The following HIF1A variants were observed in gnomAD, a reference collection of about 807,000 sequenced individuals.
HIF1A encodes hypoxia inducible factor 1 subunit alpha, also known as hypoxia-inducible factor 1-alpha.
Under a neutral mutation model 92.7 loss-of-function variants are expected in HIF1A, and 24 were observed. That is an observed-to-expected ratio of 0.26 (90% CI 0.19 to 0.36). HIF1A has a LOEUF of 0.36. HIF1A is among the 10% of genes least tolerant of loss of function. The probability of loss-of-function intolerance (pLI) is 1.00; values close to 1 mark genes in which losing one functional copy is unlikely to be tolerated. For synonymous variants in HIF1A, 319 were observed against 338.7 expected (o/e 0.94, Z 0.64); for missense variants, 799 against 998.5 (o/e 0.80, Z 2.69).
In HIF1A at chr14:61,738,981, G is replaced by A. The variant is rs555750317; in HGVS notation, c.1536+608G>A. Among the ~76,000 whole-genome samples the A allele has an allele frequency of 9.2e-5, 14 of 152,202 alleles. No individual in the cohort carries two copies. In the East Asian group the frequency reaches 2.5e-3, roughly 27 times the overall value. On this transcript the variant is annotated intron_variant, in intron 10 of 14. Transcript: ENST00000337138. ...GCTCAGGCTGGTTTTAAACTCCTGG[G>A]CTCAAGCGATCCTCCTGCCTTGGCC...
At chr14:61,738,446 A>C in intron 10 of HIF1A, 73 bp downstream of exon 10, 1 of 1,310,362 alleles carries the variant, frequency 7.6e-7, no homozygotes, top group Non-Finnish European at 1.1e-6. Context: ...TATAAGTTTG[A>C]TTCAAACACT....
intron 1 of HIF1A, among the ~76,000 whole-genome samples, chr14:61,712,264 T>C (rs1240679828): frequency 1.3e-5 from 2 of 151,960 alleles, no homozygotes; most frequent in African/African-American, 4.8e-5. Flanking sequence ...GTGCAAAGGC[T>C]CTAGGAGGCA....
At chr14:61,697,507 G>GA (rs1371555594) in intron 1 of HIF1A, 5 of 181,036 alleles carry the variant, frequency 2.8e-5, no homozygotes, top group African/African-American at 1.2e-4. Context: ...CATCCGTTCA[G>GA]AATATCAGAA....
At chr14:61,706,762 A>G (rs892349847) in intron 1 of HIF1A, among the ~76,000 whole-genome samples, 1 of 152,210 alleles carries the variant, frequency 6.6e-6, no homozygotes, top group Non-Finnish European at 1.5e-5. Context: ...AAATTTTACA[A>G]GCACTCAGAA....
chr14:61,734,330 ATTC>A, intron 8 of HIF1A, 45 bp downstream of exon 8: 1 of 1,372,492 alleles, frequency 7.3e-7, no homozygotes, highest in South Asian at 1.3e-5. Context: ...ACAAATAGTA[ATTC>A]TTTTTGGATA....
At chr14:61,716,251 A>G (rs1482026272) in intron 1 of HIF1A, among the ~76,000 whole-genome samples, 1 of 152,184 alleles carries the variant, frequency 6.6e-6, no homozygotes, top group East Asian at 1.9e-4. Flanking sequence ...ATGGGCACAG[A>G]ACCATTTGGA....
At position 61,747,485 on chromosome 14, in the gene HIF1A, C is replaced by CT. The variant is rs996483325; in HGVS notation, c.*408dup. ...ATAGGCAGTTGAAAAATTTTTACAC[C>CT]TTTTTTTTCACATTTTACATAAATA... On this transcript the variant is annotated 3_prime_UTR_variant, in exon 15 of 15. Coordinates refer to ENST00000337138, the MANE Select transcript of HIF1A (RefSeq NM_001530.4). 5 of 153,274 alleles carry CT rather than the reference C, an allele frequency of 3.3e-5. No individual in the cohort carries two copies. The highest frequency in any genetic ancestry group is 6.5e-5 in the Admixed American group (1 of 15,296). The allele number at this position is 153,274 out of a possible 1,614,324, so 9.5% of individuals were successfully genotyped here.
At chr14:61,740,714 G>A (rs1175176131) in intron 11 of HIF1A, 41 bp from the exon 12 acceptor site, 4 of 1,564,446 alleles carry the variant, frequency 2.6e-6, no homozygotes, top group African/African-American at 2.7e-5. Context: ...TATTTATAAG[G>A]TGTGGCCATT....
chr14:61,720,350 C>T (rs752147657), intron 1 of HIF1A, 32 bp from the exon 2 acceptor site: 28 of 1,536,842 alleles, frequency 1.8e-5, no homozygotes, highest in Admixed American at 1.4e-4. Flanking sequence ...ATACACTTTC[C>T]ATCTCGTGTT....
intron 10 of HIF1A, among the ~76,000 whole-genome samples, chr14:61,739,457 T>A (rs2044679485): frequency 5.9e-5 from 9 of 152,156 alleles, no homozygotes; most frequent in Admixed American, 5.9e-4. Flanking sequence ...CTTTAATAAG[T>A]GGTAAATAAT....
At chr14:61,734,321 C>A in intron 8 of HIF1A, 36 bp downstream of exon 8, 1 of 1,458,910 alleles carries the variant, frequency 6.9e-7, no homozygotes, top group South Asian at 1.3e-5. Flanking sequence ...TTTTGGGGAA[C>A]AAATAGTAAT....
Position 61,737,096 on chromosome 14 carries a change from T to C in HIF1A, c.1236T>C (p.Asp412=), listed in dbSNP as rs371778090. 9.4e-5 allele frequency: 152 copies of C among 1,613,750 alleles called. 1 individual carries two copies. In the South Asian group the frequency reaches 1.4e-3, roughly 15 times the overall value. The change falls in exon 9 of 15, where the codon GAT becomes GAC. Residue 412 remains aspartate (D), a synonymous_variant. Transcript: ENST00000337138. ...CTGGAGACACAATCATATCTTTAGA[T>C]TTTGGCAGCAACGGTGAGTAGTTAT... ...PAAGDTIISL[D]FGSNDTETDD...
At chr14:61,716,610 AT>A (rs1271006817) in intron 1 of HIF1A, among the ~76,000 whole-genome samples, 1 of 151,796 alleles carries the variant, frequency 6.6e-6, no homozygotes, top group Non-Finnish European at 1.5e-5. Context: ...TTTTTTTTTA[AT>A]TTTTACTGAC....
intron 1 of HIF1A, 71 bp downstream of exon 1, chr14:61,695,910 G>C: frequency 1.4e-6 from 2 of 1,452,472 alleles, no homozygotes; most frequent in Non-Finnish European, 1.9e-6. Context: ...CTGGGCTCCT[G>C]GGCCGGCCTC....
intron 5 of HIF1A, 43 bp from the exon 6 acceptor site, chr14:61,727,410 C>A: frequency 7.0e-7 from 1 of 1,422,422 alleles, no homozygotes; most frequent in Non-Finnish European, 9.9e-7. Flanking sequence ...TTTTCCCTAG[C>A]ATTGTAAATA....
Position 61,741,025 on chromosome 14 carries a change from C to A in HIF1A, c.1930C>A (p.Pro644Thr), listed in dbSNP as rs1479590810. The A allele has an allele frequency of 1.2e-6, 2 of 1,614,010 alleles. No individual in the cohort carries two copies. Among genetic ancestry groups the A allele is most frequent in the Admixed American group, 1.7e-5 (1 of 60,006 alleles). ...DIKILIASPS[P>T]THIHKETTSA... ...TAAAATATTGATTGCATCTCCATCTCCTACCCACATACATAAAGAAACTAC... is the reference window on the plus strand; with the variant it reads ...TAAAATATTGATTGCATCTCCATCTACTACCCACATACATAAAGAAACTAC... Residue 644 changes from proline to threonine, a missense_variant, in exon 12 of 15, where the codon CCT becomes ACT. By Grantham distance (38) the Pro-to-Thr change is conservative (BLOSUM62 -1). Around this residue, in one of 2 missense-constraint regions of HIF1A, gnomAD observed 283 missense variants for 277.5 expected, o/e 1.02. Coordinates refer to ENST00000337138, the MANE Select transcript of HIF1A (RefSeq NM_001530.4).
At chr14:61,702,273 C>CAAA (rs34312928) in intron 1 of HIF1A, among the ~76,000 whole-genome samples, 143 of 101,948 alleles carry the variant, frequency 1.4e-3, no homozygotes, top group African/African-American at 4.8e-3. Context: ...ACTAAAAATA[C>CAAA]AAAAAAAAAA....
At chr14:61,720,297 C>A (rs777233514) in intron 1 of HIF1A, 85 bp from the exon 2 acceptor site, 1 of 904,862 alleles carries the variant, frequency 1.1e-6, no homozygotes, top group Non-Finnish European at 1.7e-6. Context: ...CTGTGATAAG[C>A]AGAAATGTAA....
At chr14:61,744,550 A>C (rs2044753402) in intron 12 of HIF1A, among the ~76,000 whole-genome samples, 155 bp from the exon 13 acceptor site, 1 of 150,380 alleles carries the variant, frequency 6.6e-6, no homozygotes, top group Admixed American at 6.7e-5. Context: ...TTTTACTTTT[A>C]AGATGATAAA....
Sources: gnomAD v4.1 joint callset for allele counts (sites outside exome capture counted in the v4.1 genomes callset) on GRCh38, gnomAD v4.1.1 for gene constraint, gnomAD v4.1.1 regional missense constraint, MANE v1.5 for transcripts, NCBI Gene and HGNC (gene_info 2026-07-23, HGNC 2026-07-21) for gene names.